The following METTL8 variants were observed in gnomAD, a reference collection of about 807,000 sequenced individuals.
METTL8 encodes the protein methyltransferase 8, tRNA N3-cytidine.
Under a neutral mutation model 48.7 loss-of-function variants are expected in METTL8, and 32 were observed. The observed-to-expected ratio is 0.66, with a 90% CI of 0.50 to 0.88. The LOEUF (loss-of-function observed/expected upper bound fraction) is 0.88. Ranked by LOEUF, METTL8 falls within the 40% of genes least tolerant of loss-of-function variation. The pLI, the probability that METTL8 is intolerant of heterozygous loss-of-function variation, is 0.00. For missense variants in METTL8, 464 were observed against 474.4 expected, an observed-to-expected ratio of 0.98 and a Z score of 0.20; for synonymous variants, 136 against 157.1, an observed-to-expected ratio of 0.87 and a Z score of 1.01.
At position 171,323,629 on chromosome 2, in the gene METTL8, T is replaced by A. The variant is rs1271137199; in HGVS notation, c.*543A>T. 1 of 152,152 alleles carries A rather than the reference T, an allele frequency of 6.6e-6. No homozygotes were observed. Among genetic ancestry groups the A allele is most frequent in the African/African-American group, 2.4e-5 (1 of 41,414 alleles). The allele number at this position is 152,152 out of a possible 1,614,324, so 9.4% of individuals were successfully genotyped here. A position where few individuals can be genotyped will look rare whatever the true frequency, so the allele number is the denominator to read the frequency against. On this transcript the variant is annotated 3_prime_UTR_variant, in exon 10 of 10. Transcript: ENST00000375258. ...AAGGAAAGAGGAACTAAAATTCTAT[T>A]TCAGATATGAGCCTCTGAATTTCAA...
intron 2 of METTL8, among the ~76,000 whole-genome samples, 175 bp downstream of exon 2, chr2:171,391,863 TTGCAA>T: frequency 6.6e-6 from 1 of 152,322 alleles, no homozygotes; most frequent in East Asian, 1.9e-4. Context: ...CCAATTCCAT[TTGCAA>T]TGAAATTCAG....
chr2:171,393,094 ACT>A (rs1302994819), intron 1 of METTL8, among the ~76,000 whole-genome samples: 3 of 151,532 alleles, frequency 2.0e-5, no homozygotes, highest in East Asian at 1.9e-4. Context: ...ACAGAATAAG[ACT>A]CTGTCTCAAA....
chr2:171,391,180 C>T (rs115877417), intron 2 of METTL8, among the ~76,000 whole-genome samples: 4,739 of 152,326 alleles, frequency 0.031, 82 homozygotes, highest in East Asian at 0.051. Context: ...TCACTGAAGG[C>T]TCAGATGACT....
intron 1 of METTL8, among the ~76,000 whole-genome samples, chr2:171,414,389 C>A (rs1446838879): frequency 6.6e-6 from 1 of 151,382 alleles, no homozygotes; most frequent in African/African-American, 2.4e-5. Flanking sequence ...TGCACTCCAG[C>A]CTGGGCAACA....
chr2:171,360,811 G>A (rs1329494449), intron 2 of METTL8, among the ~76,000 whole-genome samples: 2 of 152,132 alleles, frequency 1.3e-5, no homozygotes, highest in Non-Finnish European at 2.9e-5. Context: ...TTGGGTGCTG[G>A]TATGCCGGTT....
chr2:171,356,608 A>T (rs939326932), intron 3 of METTL8, among the ~76,000 whole-genome samples: 10 of 150,472 alleles, frequency 6.6e-5, no homozygotes, highest in East Asian at 5.9e-4. Flanking sequence ...TCTATTCTCT[A>T]TTTTCATAAA....
At chr2:171,425,885 G>A (rs1212220098) in intron 1 of METTL8, among the ~76,000 whole-genome samples, 2 of 152,198 alleles carry the variant, frequency 1.3e-5, no homozygotes, top group Non-Finnish European at 2.9e-5. Context: ...GAGGCCAGGT[G>A]TGGTGGCTCA....
chr2:171,333,388 G>A (rs1271939573), intron 5 of METTL8, among the ~76,000 whole-genome samples: 3 of 152,152 alleles, frequency 2.0e-5, no homozygotes, highest in African/African-American at 4.8e-5. Flanking sequence ...GTGAGCCACC[G>A]CACCTGGCCT....
intron 1 of METTL8, among the ~76,000 whole-genome samples, chr2:171,413,816 C>T (rs907262470): frequency 5.9e-5 from 9 of 151,956 alleles, no homozygotes; most frequent in African/African-American, 1.5e-4. Context: ...GTCATTTTGG[C>T]GAAGGTAAAA....
At chr2:171,351,569 A>G (rs1397160527) in intron 3 of METTL8, among the ~76,000 whole-genome samples, 4 of 152,130 alleles carry the variant, frequency 2.6e-5, no homozygotes, top group African/African-American at 9.7e-5. Context: ...GGCCATTTTC[A>G]TGCTATTGAT....
intron 3 of METTL8, among the ~76,000 whole-genome samples, chr2:171,359,885 C>T (rs564499331): frequency 4.5e-4 from 69 of 152,230 alleles, no homozygotes; most frequent in Middle Eastern, 6.8e-3. Context: ...GCCACCGCGC[C>T]GGCTCCTGAG....
intron 1 of METTL8, among the ~76,000 whole-genome samples, chr2:171,408,476 G>C (rs138711276): frequency 6.6e-5 from 10 of 152,002 alleles, no homozygotes; most frequent in African/African-American, 2.2e-4. Context: ...ATTTTTAGTA[G>C]AGATGTGGTT....
chr2:171,415,069 C>T (rs1691167716), intron 1 of METTL8, among the ~76,000 whole-genome samples: 1 of 152,100 alleles, frequency 6.6e-6, no homozygotes, highest in Non-Finnish European at 1.5e-5. Flanking sequence ...TCCATTAAAC[C>T]TCTTTTTCTT....
intron 1 of METTL8, among the ~76,000 whole-genome samples, chr2:171,393,066 T>C (rs1688728360): frequency 6.6e-6 from 1 of 152,042 alleles, no homozygotes; most frequent in Non-Finnish European, 1.5e-5. Context: ...ATTGTGTCAT[T>C]GCACTCCCGC....
chr2:171,356,542 C>G (rs1684560620), intron 3 of METTL8, among the ~76,000 whole-genome samples: 1 of 152,006 alleles, frequency 6.6e-6, no homozygotes, highest in Non-Finnish European at 1.5e-5. Context: ...ATATTTGTAC[C>G]CATTAATCAA....
Position 171,321,127 on chromosome 2 carries a change from ATC to A in METTL8, c.*3043_*3044del, listed in dbSNP as rs368670049. 6 of 150,976 alleles carry A rather than the reference ATC, an allele frequency of 4.0e-5. No homozygotes were observed. Among genetic ancestry groups the A allele is most frequent in the South Asian group, 2.1e-4 (1 of 4,768 alleles). 9.4% of individuals were successfully genotyped at this position (150,976 alleles called of 1,614,324 possible). On this transcript the variant is annotated 3_prime_UTR_variant, in exon 10 of 10. Coordinates refer to ENST00000375258, the MANE Select transcript of METTL8 (RefSeq NM_001321154.2). ...TCTTCTCCATTCTTTTTCAGAGCTA[ATC>A]TCTCTCTCTCTCTCTGGAAATACTA...
chr2:171,405,645 T>C (rs759568594), intron 1 of METTL8, among the ~76,000 whole-genome samples: 1 of 152,168 alleles, frequency 6.6e-6, no homozygotes, highest in Middle Eastern at 3.4e-3. Flanking sequence ...TTGAGTATCA[T>C]TGTAGGATGA....
At chr2:171,376,776 C>T (rs976177517) in intron 2 of METTL8, among the ~76,000 whole-genome samples, 39 of 152,068 alleles carry the variant, frequency 2.6e-4, no homozygotes, top group African/African-American at 8.9e-4. Flanking sequence ...ACCGTACTGC[C>T]AAAAGCAATC....
intron 1 of METTL8, among the ~76,000 whole-genome samples, chr2:171,414,955 C>T (rs1276342333): frequency 6.6e-6 from 1 of 152,056 alleles, no homozygotes; most frequent in Non-Finnish European, 1.5e-5. Flanking sequence ...GGGGAAACCC[C>T]TTTCACTTGG....
Sources: gnomAD v4.1 joint callset for allele counts (sites outside exome capture counted in the v4.1 genomes callset) on GRCh38, gnomAD v4.1.1 for gene constraint, MANE v1.5 for transcripts, NCBI Gene and HGNC (gene_info 2026-07-23, HGNC 2026-07-21) for gene names.